The following ABCC12 variants were observed in gnomAD, a reference collection of about 807,000 sequenced individuals.
The protein encoded by ABCC12 is ATP-binding cassette sub-family C member 12.
Under a neutral mutation model 151.1 loss-of-function variants are expected in ABCC12, and 142 were observed. The ratio of observed to expected loss-of-function variants is 0.94; its 90% CI spans 0.82 to 1.08. ABCC12 has a LOEUF of 1.08. ABCC12 is among the 50% of genes least tolerant of loss of function. The probability of loss-of-function intolerance (pLI) is 0.00; values close to 1 mark genes in which losing one functional copy is unlikely to be tolerated. For synonymous variants in ABCC12, 645 were observed against 646.4 expected (o/e 1.00, Z 0.03); for missense variants, 1,638 against 1,691.1 (o/e 0.97, Z 0.55).
At chr16:48,154,696 C>G (rs901997700) in intron 1 of ABCC12, among the ~76,000 whole-genome samples, 2 of 152,230 alleles carry the variant, frequency 1.3e-5, no homozygotes, top group African/African-American at 4.8e-5. Flanking sequence ...CACCTGCCCA[C>G]TTTGCTCTGT....
chr16:48,111,879 A>C lies in ABCC12; in HGVS notation c.2021T>G (p.Leu674Ter). 1 of 1,614,144 alleles carries C rather than the reference A, an allele frequency of 6.2e-7. No individual in the cohort carries two copies. Among genetic ancestry groups the C allele is most frequent in the South Asian group, 1.1e-5 (1 of 91,070 alleles). Residue 674 changes from leucine to a stop codon, truncating the protein, a stop_gained, in exon 16 of 31, where the codon TTA (leucine) becomes TGA (stop). Coordinates refer to ENST00000311303, the MANE Select transcript of ABCC12 (RefSeq NM_001393797.1). LOFTEE classifies it high-confidence loss of function. ...FLESCDEVIL[L>*]EDGEICEKGT... Reference sequence around the variant, plus strand: ...CTTTTCACAAATCTCTCCATCTTCTAATAAAATAACTTCATCACAAGACTC... The same window carrying C: ...CTTTTCACAAATCTCTCCATCTTCTCATAAAATAACTTCATCACAAGACTC...
chr16:48,080,993 G>A lies in ABCC12; in HGVS notation c.*2722C>T, dbSNP rs901808826. ...TGAGGGCCCATTCCTCACAGATGAT[G>A]CCTTCTATGTGTCCTCACATGGAGG... On this transcript the variant is annotated 3_prime_UTR_variant, in exon 31 of 31. Coordinates refer to ENST00000311303, the MANE Select transcript of ABCC12 (RefSeq NM_001393797.1). Among the ~76,000 whole-genome samples, 27 of 152,252 alleles carry A rather than the reference G, an allele frequency of 1.8e-4. No homozygotes were observed. Among genetic ancestry groups the A allele is most frequent in the African/African-American group, 5.8e-4 (24 of 41,548 alleles).
At chr16:48,112,377 C>T (rs996461553) in intron 15 of ABCC12, among the ~76,000 whole-genome samples, 2 of 152,126 alleles carry the variant, frequency 1.3e-5, no homozygotes, top group Admixed American at 6.6e-5. Flanking sequence ...GGGTGGATCA[C>T]CTAAGGTCAG....
Position 48,108,527 on chromosome 16 carries a change from G to T in ABCC12, c.2284C>A (p.Pro762Thr), listed in dbSNP as rs376942339. Residue 762 changes from proline to threonine, a missense_variant and splice_region_variant, in exon 19 of 31, where the codon CCT becomes ACT. Pro to Thr is a conservative substitution (Grantham distance 38, BLOSUM62 -1). Transcript: ENST00000311303. ...TCAGTCTGGATGAGCTGGTGCTCAG[G>T]AACTGTGGAGACAAACACAAGTGCC... Reference protein sequence around the residue: ...TGSEFVDTKVPEHQLIQTESP... With the variant: ...TGSEFVDTKVTEHQLIQTESP... 128 of 1,613,554 alleles carry T rather than the reference G, an allele frequency of 7.9e-5. No individual in the cohort carries two copies. Among genetic ancestry groups the T allele is most frequent in the Non-Finnish European group, 1.0e-4 (122 of 1,179,856 alleles).
At position 48,108,496 on chromosome 16, in the gene ABCC12, G is replaced by A. The variant is rs748760519; in HGVS notation, c.2315C>T (p.Pro772Leu). 2.5e-6 allele frequency: 4 copies of A among 1,614,158 alleles called. No homozygotes were observed. Among genetic ancestry groups the A allele is most frequent in the Middle Eastern group, 3.3e-4 (2 of 6,062 alleles). ...PEHQLIQTESPQEGTVTWKTY... is the reference protein window; with the variant it reads ...PEHQLIQTESLQEGTVTWKTY... Reference sequence around the variant, plus strand: ...TTTCCAGGTCACGGTTCCTTCCTGGGGGGATTCAGTCTGGATGAGCTGGTG... The same window carrying A: ...TTTCCAGGTCACGGTTCCTTCCTGGAGGGATTCAGTCTGGATGAGCTGGTG... The change falls in exon 19 of 31, where the codon CCC (proline) becomes CTC (leucine). Residue 772 changes from proline (P) to leucine (L), a missense_variant. Transcript: ENST00000311303.
intron 2 of ABCC12, among the ~76,000 whole-genome samples, chr16:48,149,340 C>A (rs549872683): frequency 6.7e-6 from 1 of 148,490 alleles, no homozygotes; most frequent in African/African-American, 2.5e-5. Flanking sequence ...AGCCAATAGA[C>A]TTAAACACAA....
At chr16:48,105,759 T>A (rs1963472012) in intron 20 of ABCC12, among the ~76,000 whole-genome samples, 1 of 152,176 alleles carries the variant, frequency 6.6e-6, no homozygotes, top group Non-Finnish European at 1.5e-5. Flanking sequence ...GGAACTGACC[T>A]CCAGCATGCT....
chr16:48,101,105 T>A (rs1963292883), intron 22 of ABCC12, 96 bp from the exon 23 acceptor site: 1 of 1,410,098 alleles, frequency 7.1e-7, no homozygotes. Flanking sequence ...CTCAGCACAG[T>A]GCTTAAGTCA....
intron 20 of ABCC12, among the ~76,000 whole-genome samples, chr16:48,106,718 A>T (rs1963505444): frequency 6.6e-6 from 1 of 152,206 alleles, no homozygotes; most frequent in African/African-American, 2.4e-5. Context: ...AGCACTCCCC[A>T]GGGCTCCAGG....
chr16:48,147,330 A>G (rs1194751653), intron 2 of ABCC12, among the ~76,000 whole-genome samples: 1 of 152,132 alleles, frequency 6.6e-6, no homozygotes, highest in Admixed American at 6.5e-5. Flanking sequence ...CTAGGGTCCC[A>G]TGACAGCCAC....
At chr16:48,089,762 C>T (rs1036252336) in intron 25 of ABCC12, among the ~76,000 whole-genome samples, 2 of 152,164 alleles carry the variant, frequency 1.3e-5, no homozygotes, top group Non-Finnish European at 2.9e-5. Context: ...AAGAAATCTG[C>T]ACACTTGGTG....
intron 24 of ABCC12, among the ~76,000 whole-genome samples, chr16:48,095,258 T>G (rs1963055010): frequency 6.6e-6 from 1 of 152,196 alleles, no homozygotes; most frequent in African/African-American, 2.4e-5. Flanking sequence ...GGGTTTCCCC[T>G]TTCACTTGGC....
chr16:48,137,791 C>A (rs1385746030), intron 8 of ABCC12, among the ~76,000 whole-genome samples: 2 of 152,108 alleles, frequency 1.3e-5, no homozygotes, highest in African/African-American at 4.8e-5. Flanking sequence ...TCGTGTCTGC[C>A]CAAGGAGTGT....
intron 2 of ABCC12, among the ~76,000 whole-genome samples, chr16:48,149,575 G>T (rs1965090519): frequency 6.6e-6 from 1 of 152,056 alleles, no homozygotes; most frequent in South Asian, 2.1e-4. Flanking sequence ...TTATGATAGG[G>T]AATAATTTCT....
At chr16:48,095,958 A>T (rs759441622) in intron 24 of ABCC12, among the ~76,000 whole-genome samples, 33 of 152,340 alleles carry the variant, frequency 2.2e-4, no homozygotes, top group Non-Finnish European at 4.1e-4. Flanking sequence ...CTGCATTCAA[A>T]TCCTGGCCCT....
At chr16:48,119,878 G>C (rs1230364826) in intron 13 of ABCC12, among the ~76,000 whole-genome samples, 1 of 152,192 alleles carries the variant, frequency 6.6e-6, no homozygotes, top group Non-Finnish European at 1.5e-5. Flanking sequence ...ACTCAACTCT[G>C]ACATTTAATA....
chr16:48,139,420 G>T, intron 6 of ABCC12, 84 bp from the exon 7 acceptor site: 1 of 1,431,896 alleles, frequency 7.0e-7, no homozygotes, highest in East Asian at 2.3e-5. Flanking sequence ...TTGGCCGAGG[G>T]GATCTAGGGA....
At chr16:48,138,131 T>C in intron 8 of ABCC12, 97 bp downstream of exon 8, 1 of 1,375,278 alleles carries the variant, frequency 7.3e-7, no homozygotes, top group South Asian at 1.7e-5. Context: ...CCCCTCAGCC[T>C]CCTTCTGGAA....
intron 23 of ABCC12, among the ~76,000 whole-genome samples, chr16:48,099,397 A>AAAAAAT (rs994294400): frequency 6.6e-6 from 1 of 152,196 alleles, no homozygotes; most frequent in African/African-American, 2.4e-5. Context: ...ACTCTGTCTC[A>AAAAAAT]AAAAATAAAA....
Sources: gnomAD v4.1 joint callset for allele counts (sites outside exome capture counted in the v4.1 genomes callset) on GRCh38, gnomAD v4.1.1 for gene constraint, MANE v1.5 for transcripts, NCBI Gene and HGNC (gene_info 2026-07-23, HGNC 2026-07-21) for gene names.